Variants in IL36B observed in about 807,000 individuals in gnomAD.
The protein encoded by IL36B is interleukin-36 beta.
Under a neutral mutation model 19.3 loss-of-function variants are expected in IL36B, and 23 were observed. The observed-to-expected ratio is 1.19, with a 90% CI of 0.86 to 1.69. The LOEUF (loss-of-function observed/expected upper bound fraction) is 1.69. Among genes scored for constraint, IL36B ranks in the 40% most tolerant of loss-of-function variants. The pLI, the probability that IL36B is intolerant of heterozygous loss-of-function variation, is 0.00. For missense variants in IL36B, 217 were observed against 200.5 expected, an observed-to-expected ratio of 1.08 and a Z score of -0.50; for synonymous variants, 59 against 59.7, an observed-to-expected ratio of 0.99 and a Z score of 0.05.
intron 1 of IL36B, among the ~76,000 whole-genome samples, chr2:113,034,386 C>T (rs1245396629): frequency 6.6e-6 from 1 of 152,246 alleles, no homozygotes; most frequent in Non-Finnish European, 1.5e-5. Flanking sequence ...GCCAGCCTAT[C>T]TCCAAGAGTC....
At position 113,050,345 on chromosome 2, in the gene IL36B, CA is replaced by C. The variant is rs79717470; in HGVS notation, c.-58+2471del. ...TCAGTTAAGTGAAATAAACTAATAA[CA>C]AAAAAAAAAAAATACCGTGTAATTC... On this transcript the variant is annotated intron_variant, in intron 1 of 5. Coordinates refer to ENST00000259213, the MANE Select transcript of IL36B (RefSeq NM_014438.5). 3.2e-3 allele frequency among the ~76,000 whole-genome samples: 473 copies of C among 145,734 alleles called. 1 individual carries two copies. Among genetic ancestry groups the C allele is most frequent in the Middle Eastern group, 7.0e-3 (2 of 286 alleles).
intron 3 of IL36B, among the ~76,000 whole-genome samples, chr2:113,029,407 A>G (rs1252945828): frequency 3.3e-5 from 5 of 152,170 alleles, no homozygotes; most frequent in Non-Finnish European, 5.9e-5. Context: ...GGGCTACCCA[A>G]ATAAAGTGAG....
chr2:113,028,111 T>G, intron 4 of IL36B: 1 of 1,613,770 alleles, frequency 6.2e-7, no homozygotes. Flanking sequence ...CATGATATTT[T>G]TTTCCTGGGG....
At chr2:113,027,626 A>G (rs1684988439) in intron 4 of IL36B, 2 of 1,258,104 alleles carry the variant, frequency 1.6e-6, no homozygotes, top group Non-Finnish European at 2.0e-6. Flanking sequence ...TGGGGGGTTG[A>G]CTAAACTGGG....
chr2:113,027,775 A>C (rs1355016017), intron 4 of IL36B: 11 of 1,465,200 alleles, frequency 7.5e-6, no homozygotes, highest in Admixed American at 2.5e-5. Context: ...GCTTTTGGAT[A>C]GTAAGAATGA....
intron 1 of IL36B, among the ~76,000 whole-genome samples, chr2:113,046,156 T>A (rs528444397): frequency 6.6e-6 from 1 of 152,144 alleles, no homozygotes; most frequent in East Asian, 1.9e-4. Context: ...TACACCAATA[T>A]TGATACATTA....
intron 1 of IL36B, among the ~76,000 whole-genome samples, chr2:113,033,959 G>A (rs962930150): frequency 6.6e-6 from 1 of 152,154 alleles, no homozygotes; most frequent in East Asian, 1.9e-4. Context: ...ATCCACCATT[G>A]ACTCTATCTT....
intron 1 of IL36B, among the ~76,000 whole-genome samples, chr2:113,046,707 G>T (rs956842062): frequency 6.6e-6 from 1 of 152,062 alleles, no homozygotes; most frequent in African/African-American, 2.4e-5. Context: ...TAGGGTTATG[G>T]GTTTGGGGGA....
chr2:113,050,650 G>A (rs1685426626), intron 1 of IL36B, among the ~76,000 whole-genome samples: 1 of 152,084 alleles, frequency 6.6e-6, no homozygotes, highest in Admixed American at 6.6e-5. Flanking sequence ...ACAATTTAAA[G>A]ATATATCAAA....
chr2:113,028,650 G>A (rs1305284906), intron 4 of IL36B, among the ~76,000 whole-genome samples: 7 of 152,214 alleles, frequency 4.6e-5, no homozygotes, highest in Admixed American at 3.9e-4. Flanking sequence ...TTTCCAGAAT[G>A]CAGTTAAACA....
chr2:113,045,010 T>C (rs1290069615), intron 1 of IL36B, among the ~76,000 whole-genome samples: 3 of 152,186 alleles, frequency 2.0e-5, no homozygotes, highest in Non-Finnish European at 4.4e-5. Flanking sequence ...TTTACTTATA[T>C]ATATGTTATA....
At chr2:113,040,297 C>T (rs995721505) in intron 1 of IL36B, among the ~76,000 whole-genome samples, 46 of 152,178 alleles carry the variant, frequency 3.0e-4, no homozygotes, top group African/African-American at 7.7e-4. Flanking sequence ...AAGTCTACAG[C>T]TCATACTTAA....
At chr2:113,026,022 G>C in intron 5 of IL36B, 6 of 1,548,528 alleles carry the variant, frequency 3.9e-6, no homozygotes, top group Non-Finnish European at 4.4e-6. Flanking sequence ...AATACTGCTG[G>C]GATCCTCTGA....
intron 1 of IL36B, among the ~76,000 whole-genome samples, chr2:113,046,355 T>G (rs983285444): frequency 6.6e-6 from 1 of 151,842 alleles, no homozygotes; most frequent in South Asian, 2.1e-4. Context: ...GACTACAGAC[T>G]CCCGCCACCA....
intron 1 of IL36B, 80 bp from the exon 2 acceptor site, chr2:113,031,846 G>T: frequency 1.4e-6 from 1 of 712,048 alleles, no homozygotes; most frequent in Non-Finnish European, 2.4e-6. Context: ...AAATTTTACT[G>T]TAAAAATTCT....
chr2:113,026,685 A>G (rs751584328), intron 4 of IL36B, among the ~76,000 whole-genome samples: 9 of 152,228 alleles, frequency 5.9e-5, no homozygotes, highest in Non-Finnish European at 1.3e-4. Context: ...ATCCCTATAG[A>G]GGAGTGGTAG....
intron 1 of IL36B, among the ~76,000 whole-genome samples, chr2:113,032,628 A>G (rs1353765805): frequency 1.3e-5 from 2 of 152,140 alleles, no homozygotes; most frequent in East Asian, 3.9e-4. Context: ...GAAGTTCCCC[A>G]TACCTGGGTT....
At chr2:113,043,406 T>C (rs1327014263) in intron 1 of IL36B, among the ~76,000 whole-genome samples, 2 of 152,234 alleles carry the variant, frequency 1.3e-5, no homozygotes, top group South Asian at 2.1e-4. Flanking sequence ...GCATTGTAGA[T>C]TATGTTTTCC....
chr2:113,031,664 TATTTCCAAGCTG>T (rs1483850519), intron 2 of IL36B, 21 bp downstream of exon 2: 1 of 1,586,470 alleles, frequency 6.3e-7, no homozygotes, highest in Admixed American at 1.7e-5. Context: ...CAGATGGAGA[TATTTCCAAGCTG>T]ATTTGCAATT....
Sources: allele counts gnomAD v4.1 joint callset (sites outside exome capture counted in the v4.1 genomes callset), GRCh38; gene constraint gnomAD v4.1.1; transcripts MANE v1.5; gene names NCBI Gene and HGNC (gene_info 2026-07-23, HGNC 2026-07-21).